AP3B1: variants seen among roughly 807,000 people sequenced by gnomAD.
AP3B1 encodes adaptor related protein complex 3 subunit beta 1, also known as AP-3 complex subunit beta-1.
Under a neutral mutation model 132.5 loss-of-function variants are expected in AP3B1, and 61 were observed. The ratio of observed to expected loss-of-function variants is 0.46; its 90% CI spans 0.37 to 0.57. The LOEUF (loss-of-function observed/expected upper bound fraction) is 0.57. Among genes scored for constraint, AP3B1 ranks in the 20% least tolerant of loss-of-function variants. The pLI is 0.00. For missense variants in AP3B1, 1,120 were observed against 1,289.4 expected (o/e 0.87, Z 2.01); for synonymous variants, 388 against 438.3 (o/e 0.89, Z 1.43).
At chr5:78,115,479 T>C (rs535799214) in intron 18 of AP3B1, among the ~76,000 whole-genome samples, 1 of 152,332 alleles carries the variant, frequency 6.6e-6, no homozygotes, top group East Asian at 1.9e-4. Flanking sequence ...CACAGAATTT[T>C]AGCAATGAAG....
intron 22 of AP3B1, chr5:78,043,525 C>A: frequency 2.6e-6 from 1 of 386,444 alleles, no homozygotes; most frequent in South Asian, 2.4e-5. Context: ...ATGGGATAGG[C>A]TATGAACTGT....
chr5:78,142,370 C>A (rs144098019), intron 14 of AP3B1, among the ~76,000 whole-genome samples: 1 of 152,284 alleles, frequency 6.6e-6, no homozygotes, highest in African/African-American at 2.4e-5. Context: ...TTTCACCTCG[C>A]ACAGAAAATT....
At chr5:78,132,080 C>T (rs942701799) in intron 15 of AP3B1, among the ~76,000 whole-genome samples, 2 of 152,122 alleles carry the variant, frequency 1.3e-5, no homozygotes, top group Non-Finnish European at 2.9e-5. Context: ...AATGGTTTTT[C>T]AACATCAGTT....
intron 11 of AP3B1, among the ~76,000 whole-genome samples, chr5:78,173,405 G>T (rs932105677): frequency 6.6e-6 from 1 of 152,062 alleles, no homozygotes; most frequent in African/African-American, 2.4e-5. Flanking sequence ...TCTCTTTGTA[G>T]GTCTCTAAGG....
chr5:78,026,013 A>G (rs1285781808), intron 24 of AP3B1, among the ~76,000 whole-genome samples: 1 of 152,180 alleles, frequency 6.6e-6, no homozygotes, highest in Non-Finnish European at 1.5e-5. Flanking sequence ...GTTTATAAGC[A>G]TCTCCTTTTC....
intron 17 of AP3B1, among the ~76,000 whole-genome samples, chr5:78,118,202 G>A (rs1331852202): frequency 3.9e-5 from 6 of 152,088 alleles, no homozygotes; most frequent in Non-Finnish European, 8.8e-5. Flanking sequence ...TCTCCAGGAG[G>A]GTGGAGCCAA....
At chr5:78,122,879 G>A (rs558428319) in intron 17 of AP3B1, among the ~76,000 whole-genome samples, 101 of 152,296 alleles carry the variant, frequency 6.6e-4, no homozygotes, top group Non-Finnish European at 1.2e-3. Context: ...GAAAGAGTCC[G>A]CATCGCCAAG....
chr5:78,162,641 G>T (rs1743434162), intron 13 of AP3B1, among the ~76,000 whole-genome samples, 178 bp downstream of exon 13: 1 of 151,110 alleles, frequency 6.6e-6, no homozygotes, highest in Admixed American at 6.6e-5. Flanking sequence ...AAAAAAAAAA[G>T]AACCCAGAAT....
intron 7 of AP3B1, among the ~76,000 whole-genome samples, chr5:78,202,498 A>C (rs1745334699): frequency 6.6e-6 from 1 of 151,570 alleles, no homozygotes; most frequent in African/African-American, 2.4e-5. Flanking sequence ...TGATCCACAC[A>C]TCAGTGTTTC....
chr5:78,165,923 C>A (rs1743598600), intron 11 of AP3B1, among the ~76,000 whole-genome samples: 1 of 151,980 alleles, frequency 6.6e-6, no homozygotes, highest in Admixed American at 6.6e-5. Flanking sequence ...ACAAAATTAG[C>A]CGGGCATGGT....
intron 7 of AP3B1, among the ~76,000 whole-genome samples, chr5:78,192,744 C>G (rs962215475): frequency 6.6e-6 from 1 of 152,150 alleles, no homozygotes; most frequent in Non-Finnish European, 1.5e-5. Context: ...ACGGAACTCT[C>G]ATAAATGGAA....
Position 78,278,407 on chromosome 5 carries a change from G to T in AP3B1, c.129-10812C>A, listed in dbSNP as rs1002025076. On this transcript the variant is annotated intron_variant, in intron 1 of 26. Coordinates refer to ENST00000255194, the MANE Select transcript of AP3B1 (RefSeq NM_003664.5). Reference sequence around the variant, plus strand: ...GAGGTCAGGAGATCGAGACCATCCCGGCTAAAACGGTGAAACCCCGTCTCT... The same window carrying T: ...GAGGTCAGGAGATCGAGACCATCCCTGCTAAAACGGTGAAACCCCGTCTCT... Among the ~76,000 whole-genome samples the T allele has an allele frequency of 2.9e-5, 4 of 137,802 alleles. 1 individual carries two copies. The highest frequency in any genetic ancestry group is 6.6e-5 in the Non-Finnish European group (4 of 60,488). 90.4% of individuals were successfully genotyped at this position (137,802 alleles called of 152,430 possible).
intron 22 of AP3B1, chr5:78,043,037 G>A (rs1748163427): frequency 6.3e-6 from 1 of 158,038 alleles, no homozygotes; most frequent in Non-Finnish European, 1.4e-5. Context: ...CCTTGATCTT[G>A]TTGGTTTTCT....
chr5:78,266,650 T>A (rs937205750), intron 2 of AP3B1, among the ~76,000 whole-genome samples: 1 of 152,168 alleles, frequency 6.6e-6, no homozygotes, highest in Non-Finnish European at 1.5e-5. Context: ...TTTGACCTTA[T>A]TATATAAAAT....
rs72778211 is a variant in AP3B1 at position 78,263,876 on chromosome 5, G to A, written c.204+3644C>T. Among the ~76,000 whole-genome samples the A allele has an allele frequency of 1.1e-3, 168 of 152,198 alleles. 2 individuals are homozygous for A. The highest frequency in any genetic ancestry group is 1.8e-3 in the Non-Finnish European group (122 of 67,994). ...GAGGGACCACATATATAATCTTATT[G>A]TAAGATTATAATACTGTATCTTTAC... On this transcript the variant is annotated intron_variant, in intron 2 of 26. Transcript: ENST00000255194.
chr5:78,212,473 G>GAC (rs1745782095), intron 7 of AP3B1, among the ~76,000 whole-genome samples: 1 of 152,028 alleles, frequency 6.6e-6, no homozygotes, highest in Non-Finnish European at 1.5e-5. Context: ...TTGTTTTAGT[G>GAC]ACACTTTTTC....
intron 13 of AP3B1, among the ~76,000 whole-genome samples, chr5:78,159,685 G>A (rs909685764): frequency 4.6e-5 from 7 of 152,110 alleles, no homozygotes; most frequent in Non-Finnish European, 1.0e-4. Context: ...ATCAATCTGC[G>A]AAGTCTCTTT....
chr5:78,193,098 T>A (rs1334044353), intron 7 of AP3B1, among the ~76,000 whole-genome samples: 1 of 152,212 alleles, frequency 6.6e-6, no homozygotes, highest in African/African-American at 2.4e-5. Context: ...TTTTATATTG[T>A]GTTTAAATAA....
intron 24 of AP3B1, among the ~76,000 whole-genome samples, chr5:78,025,985 G>C (rs1284481403): frequency 2.6e-5 from 4 of 152,168 alleles, no homozygotes; most frequent in Non-Finnish European, 5.9e-5. Flanking sequence ...TTACATGAGT[G>C]TTCTAGGATG....
Sources: allele counts gnomAD v4.1 joint callset (sites outside exome capture counted in the v4.1 genomes callset), GRCh38; gene constraint gnomAD v4.1.1; transcripts MANE v1.5; gene names NCBI Gene and HGNC (gene_info 2026-07-23, HGNC 2026-07-21).